Variants in ZNF37A observed in about 807,000 individuals in gnomAD.
ZNF37A encodes the protein zinc finger protein 37a (KOX 21).
Under a neutral mutation model 12.3 loss-of-function variants are expected in ZNF37A, and 10 were observed. That is an observed-to-expected ratio of 0.82 (90% CI 0.50 to 1.38). The LOEUF (loss-of-function observed/expected upper bound fraction) is 1.38, where lower values mean the gene tolerates loss of function less well. Ranked by LOEUF, ZNF37A falls within the 40% of genes most tolerant of loss-of-function variation. The pLI, the probability that ZNF37A is intolerant of heterozygous loss-of-function variation, is 0.00. For missense variants in ZNF37A, 580 were observed against 651.2 expected, an observed-to-expected ratio of 0.89 and a Z score of 1.19; for synonymous variants, 207 against 223.0, an observed-to-expected ratio of 0.93 and a Z score of 0.64.
At position 38,118,309 on chromosome 10, in the gene ZNF37A, T is replaced by C. The variant is rs1252919958; in HGVS notation, c.1158T>C (p.Tyr386=). 1.1e-5 allele frequency: 17 copies of C among 1,613,884 alleles called. No individual in the cohort carries two copies. The highest frequency in any genetic ancestry group is 1.7e-4 in the Middle Eastern group (1 of 6,060). Residue 386 remains tyrosine (Y), a synonymous_variant, in exon 8 of 8, where the codon TAT becomes TAC. Coordinates refer to ENST00000685332, the MANE Select transcript of ZNF37A (RefSeq NM_001324250.3). ...CAGGGGAGAAGCCCTATGAATGCTA[T>C]GCATGTGGGAAAGCCTTTCTCAGAA... is the stretch of plus-strand genomic sequence containing the variant. The part of the protein sequence containing the change: ...THTGEKPYEC[Y]ACGKAFLRKS...
intron 5 of ZNF37A, among the ~76,000 whole-genome samples, chr10:38,103,035 A>C (rs1194510570): frequency 6.6e-6 from 1 of 152,152 alleles, no homozygotes; most frequent in Non-Finnish European, 1.5e-5. Context: ...TGATGTTATC[A>C]TAATTATAGT....
intron 4 of ZNF37A, 56 bp from the exon 5 acceptor site, chr10:38,096,518 C>T (rs1405985078): frequency 7.0e-6 from 9 of 1,293,372 alleles, no homozygotes; most frequent in Admixed American, 4.1e-5. Context: ...TTGCCGGCTG[C>T]GAAGTGGACC....
downstream of ZNF37A, among the ~76,000 whole-genome samples, chr10:38,126,162 T>A (rs934248163): frequency 4.6e-5 from 7 of 152,176 alleles, no homozygotes; most frequent in African/African-American, 1.7e-4. Flanking sequence ...GTTGAGAAAT[T>A]TAACATTTGT....
rs1162065655 is a variant in ZNF37A at position 38,118,115 on chromosome 10, A to G, written c.964A>G (p.Thr322Ala). The G allele has an allele frequency of 1.9e-6, 3 of 1,613,936 alleles. No individual in the cohort carries two copies. Among genetic ancestry groups the G allele is most frequent in the East Asian group, 2.2e-5 (1 of 44,872 alleles). Reference protein sequence around the residue: ...SDLIKHQRIHTGERPYGCHEC... With the variant: ...SDLIKHQRIHAGERPYGCHEC... ...CCTCATTAAACATCAAAGAATTCAT[A>G]CAGGGGAGAGACCTTATGGATGTCA... Residue 322 changes from threonine (T) to alanine (A), a missense_variant, in exon 8 of 8, where the codon ACA becomes GCA. Thr to Ala is a moderately conservative substitution (Grantham distance 58, BLOSUM62 0). Coordinates refer to ENST00000685332, the MANE Select transcript of ZNF37A (RefSeq NM_001324250.3).
intron 5 of ZNF37A, among the ~76,000 whole-genome samples, chr10:38,099,876 A>G (rs933307022): frequency 1.3e-5 from 2 of 152,108 alleles, no homozygotes; most frequent in Non-Finnish European, 2.9e-5. Context: ...ATGATTAGTG[A>G]TGTTGAGCAT....
intron 7 of ZNF37A, among the ~76,000 whole-genome samples, chr10:38,145,862 GCTGA>G (rs1343018443): frequency 6.6e-6 from 1 of 152,228 alleles, no homozygotes; most frequent in African/African-American, 2.4e-5. Flanking sequence ...AATTTGGGAG[GCTGA>G]GGCGGGCAGA....
At chr10:38,114,649 T>G in intron 5 of ZNF37A, 106 bp from the exon 6 acceptor site, 1 of 1,433,770 alleles carries the variant, frequency 7.0e-7, no homozygotes, top group Non-Finnish European at 9.8e-7. Context: ...TAACAGTTTC[T>G]ATTTAATTTT....
rs2135834426 is a variant in ZNF37A, at chr10:38,095,534, CTAGA to C, written c.-197-2_-196del. 1 of 152,382 alleles carries C rather than the reference CTAGA, an allele frequency of 6.6e-6. No individual in the cohort carries two copies. Among genetic ancestry groups the C allele is most frequent in the African/African-American group, 2.4e-5 (1 of 41,584 alleles). The allele number at this position is 152,382 out of a possible 1,614,324, so 9.4% of individuals were successfully genotyped here. On this transcript the variant is annotated splice_acceptor_variant and splice_polypyrimidine_tract_variant and 5_prime_UTR_variant and intron_variant, in exon 3 of 8. Coordinates refer to ENST00000685332, the MANE Select transcript of ZNF37A (RefSeq NM_001324250.3). LOFTEE classifies it low-confidence loss of function (5UTR_SPLICE). ...TGCCTGGATTCGTTACTCGCTCGTT[CTAGA>C]TGCTGAGCTGCTGGCGCACTGCAGC...
chr10:38,112,578 C>A (rs1186114115), intron 5 of ZNF37A, among the ~76,000 whole-genome samples: 2 of 140,966 alleles, frequency 1.4e-5, no homozygotes, highest in Non-Finnish European at 3.1e-5. Flanking sequence ...TTTTTTTTTT[C>A]TTTCGGAATT....
chr10:38,142,414 A>G (rs570721586), intron 7 of ZNF37A: 2 of 152,248 alleles, frequency 1.3e-5, no homozygotes, highest in Non-Finnish European at 2.9e-5. Context: ...ATCAGAAAAT[A>G]TAAACACTAT....
At chr10:38,132,261 T>C (rs1041705115) in intron 7 of ZNF37A, among the ~76,000 whole-genome samples, 5 of 152,156 alleles carry the variant, frequency 3.3e-5, no homozygotes, top group African/African-American at 1.2e-4. Context: ...CTTGGTCATG[T>C]AGAGGAATTA....
chr10:38,117,546 A>T lies in ZNF37A; in HGVS notation c.395A>T (p.Asp132Val). Residue 132 changes from aspartate to valine, a missense_variant, in exon 8 of 8, where the codon GAC becomes GTC. Asp to Val is a radical substitution (Grantham distance 152). Coordinates refer to ENST00000685332, the MANE Select transcript of ZNF37A (RefSeq NM_001324250.3). The part of the protein sequence containing the change: ...KNGNSFWLNE[D>V]LIWHQKIKNW... ...GGGAACAGCTTCTGGCTGAATGAAG[A>T]CCTCATTTGGCATCAGAAAATTAAA... The T allele has an allele frequency of 6.2e-7, 1 of 1,613,448 alleles. No homozygotes were observed. The highest frequency in any genetic ancestry group is 2.2e-5 in the East Asian group (1 of 44,838).
In ZNF37A at chr10:38,101,744, C is replaced by T. The variant is rs142001864; in HGVS notation, c.15+5112C>T. Among the ~76,000 whole-genome samples, 39 of 151,460 alleles carry T rather than the reference C, an allele frequency of 2.6e-4. No homozygotes were observed. In the East Asian group the frequency reaches 5.8e-3, roughly 23 times the overall value. ...TATTGTGTTGTGTGTTTGTATCTAA[C>T]GAGAGTGTCTTATAGACTATATATA... On this transcript the variant is annotated intron_variant, in intron 5 of 7. Coordinates refer to ENST00000685332, the MANE Select transcript of ZNF37A (RefSeq NM_001324250.3).
chr10:38,127,175 T>C (rs564218243), downstream of ZNF37A, among the ~76,000 whole-genome samples: 11 of 152,284 alleles, frequency 7.2e-5, no homozygotes, highest in East Asian at 2.1e-3. Context: ...CCTCCTCCCA[T>C]GTTCATGGAA....
At chr10:38,115,333 C>T (rs1360580894) in intron 7 of ZNF37A, 43 bp downstream of exon 7, 3 of 1,596,376 alleles carry the variant, frequency 1.9e-6, no homozygotes, top group Non-Finnish European at 2.6e-6. Flanking sequence ...GAAGGTAGAT[C>T]ACAAAGGGTA....
chr10:38,106,069 AG>A (rs1030347278), intron 5 of ZNF37A, among the ~76,000 whole-genome samples: 1 of 151,904 alleles, frequency 6.6e-6, no homozygotes, highest in Non-Finnish European at 1.5e-5. Context: ...TCATGATCTT[AG>A]GGGGGGATCT....
Position 38,118,757 on chromosome 10 carries a change from T to A in ZNF37A, c.1606T>A (p.Ser536Thr), listed in dbSNP as rs1564374278. The A allele has an allele frequency of 1.2e-6, 2 of 1,613,130 alleles. No homozygotes were observed. Among genetic ancestry groups the A allele is most frequent in the Non-Finnish European group, 1.7e-6 (2 of 1,179,666 alleles). Residue 536 changes from serine to threonine, a missense_variant, in exon 8 of 8, where the codon TCA becomes ACA. Coordinates refer to ENST00000685332, the MANE Select transcript of ZNF37A (RefSeq NM_001324250.3). Reference sequence around the variant, plus strand: ...TTGTGGAAAATCATTCTATGTTAAGTCAAAACTAACTGTACATCAGAGAAT... The same window carrying A: ...TTGTGGAAAATCATTCTATGTTAAGACAAAACTAACTGTACATCAGAGAAT... ...NVCGKSFYVKSKLTVHQRIHL... is the reference protein window; with the variant it reads ...NVCGKSFYVKTKLTVHQRIHL...
downstream of ZNF37A, among the ~76,000 whole-genome samples, chr10:38,127,642 C>G (rs535670514): frequency 6.6e-6 from 1 of 152,252 alleles, no homozygotes; most frequent in African/African-American, 2.4e-5. Flanking sequence ...CTACATCTGT[C>G]TCTGGTTCTC....
At chr10:38,129,316 A>AAAAAAAAAAAAAAAAAAC (rs1432210552), downstream of ZNF37A, among the ~76,000 whole-genome samples, 1 of 142,430 alleles carries the variant, frequency 7.0e-6, no homozygotes, top group African/African-American at 2.6e-5. Flanking sequence ...AAAAAAAAAA[A>AAAAAAAAAAAAAAAAAAC]AAAAAACTAT....
Sources: allele counts gnomAD v4.1 joint callset (sites outside exome capture counted in the v4.1 genomes callset), GRCh38; gene constraint gnomAD v4.1.1; transcripts MANE v1.5; gene names NCBI Gene and HGNC (gene_info 2026-07-23, HGNC 2026-07-21).